GPHN: variants seen among roughly 807,000 people sequenced by gnomAD.
The protein encoded by GPHN is gephyrin.
GPHN carries 17 observed loss-of-function variants against 95.5 expected under a neutral mutation model. The ratio of observed to expected loss-of-function variants is 0.18; its 90% CI spans 0.12 to 0.27. The LOEUF (loss-of-function observed/expected upper bound fraction) is 0.27, where lower values mean the gene tolerates loss of function less well. Among genes scored for constraint, GPHN ranks in the 10% least tolerant of loss-of-function variants. GPHN has a pLI of 1.00. For synonymous variants in GPHN, 320 were observed against 322.5 expected (o/e 0.99, Z 0.08); for missense variants, 660 against 978.1 (o/e 0.67, Z 4.34).
At chr14:66,550,385 T>C (rs1277356631) in intron 1 of GPHN, among the ~76,000 whole-genome samples, 3 of 152,204 alleles carry the variant, frequency 2.0e-5, no homozygotes, top group African/African-American at 7.2e-5. Flanking sequence ...TGTGACTGAA[T>C]TGCTGCAGTC....
chr14:67,468,260 C>T, the GPHN span, among the ~76,000 whole-genome samples: 2 of 152,202 alleles, frequency 1.3e-5, no homozygotes, highest in Non-Finnish European at 2.9e-5. Context: ...AGGCTTGAGC[C>T]ACCGCACCTG....
chr14:66,705,645 A>G (rs995485410), intron 2 of GPHN, among the ~76,000 whole-genome samples: 3 of 152,320 alleles, frequency 2.0e-5, no homozygotes, highest in African/African-American at 7.2e-5. Context: ...TAAATAAACT[A>G]TGTATTGATG....
the GPHN span, among the ~76,000 whole-genome samples, chr14:67,598,482 T>C: frequency 5.1e-4 from 77 of 152,000 alleles, no homozygotes; most frequent in Non-Finnish European, 1.0e-3. Flanking sequence ...GATAAGTCAT[T>C]GCTCTTTGTG....
intron 5 of GPHN, among the ~76,000 whole-genome samples, chr14:66,898,750 TTG>T (rs1390321443): frequency 1.3e-5 from 2 of 151,942 alleles, no homozygotes; most frequent in Non-Finnish European, 2.9e-5. Context: ...TAGAATAAGT[TTG>T]TCTATATCTA....
intron 4 of GPHN, chr14:66,842,782 T>C: frequency 8.8e-7 from 1 of 1,138,130 alleles, no homozygotes; most frequent in Non-Finnish European, 1.3e-6. Flanking sequence ...TTTGGTTTCT[T>C]TTATCATCAT....
chr14:67,045,554 T>G (rs1171098122), intron 10 of GPHN, among the ~76,000 whole-genome samples: 2 of 151,962 alleles, frequency 1.3e-5, no homozygotes, highest in Non-Finnish European at 2.9e-5. Flanking sequence ...TGTGTCTCTC[T>G]CTGTCTCTCT....
intron 3 of GPHN, among the ~76,000 whole-genome samples, chr14:66,810,294 A>T (rs1378262770): frequency 6.6e-6 from 1 of 151,928 alleles, no homozygotes; most frequent in Non-Finnish European, 1.5e-5. Context: ...AATTACTTGA[A>T]AACCAGACCT....
the GPHN span, chr14:67,586,380 G>C: frequency 7.3e-7 from 1 of 1,376,802 alleles, no homozygotes; most frequent in Non-Finnish European, 9.6e-7. Flanking sequence ...CCAGCATCAT[G>C]CAGTCCTCAG....
At position 66,721,582 on chromosome 14, in the gene GPHN, A is replaced by G. The variant is rs115949835; in HGVS notation, c.143+40397A>G. On this transcript the variant is annotated intron_variant, in intron 2 of 22. Coordinates refer to ENST00000478722, the MANE Select transcript of GPHN (RefSeq NM_020806.5). The stretch of plus-strand genomic sequence containing the variant: ...ACATCTCTCTTTTACAAGGCAAGAG[A>G]CAAATCCTTTGATATTTTCCAGGAA... Among the ~76,000 whole-genome samples, 88 of 152,332 alleles carry G rather than the reference A, an allele frequency of 5.8e-4. 3 individuals are homozygous for G. Among genetic ancestry groups the G allele is most frequent in the African/African-American group, 2.1e-3 (86 of 41,584 alleles).
the GPHN span, chr14:67,651,813 G>T: frequency 3.9e-6 from 1 of 253,932 alleles, no homozygotes; most frequent in Non-Finnish European, 7.7e-6. Context: ...TCCAGCTCAG[G>T]ATGGGTCCTG....
At position 66,606,545 on chromosome 14, in the gene GPHN, A is replaced by G. The variant is rs188914519; in HGVS notation, c.65-74562A>G. 9.8e-5 allele frequency among the ~76,000 whole-genome samples: 15 copies of G among 152,320 alleles called. No individual in the cohort carries two copies. In the East Asian group the frequency reaches 2.7e-3, roughly 27 times the overall value. ...TGGTAGTTTGATAGAAATAGCATTGAATTTATAAATTGCTTTGACCAGTAT... is the reference window on the plus strand; with the variant it reads ...TGGTAGTTTGATAGAAATAGCATTGGATTTATAAATTGCTTTGACCAGTAT... On this transcript the variant is annotated intron_variant, in intron 1 of 22. Transcript: ENST00000478722.
At chr14:67,343,242 T>C in the GPHN span, 324 of 639,948 alleles carry the variant, frequency 5.1e-4, 1 homozygote, top group African/African-American at 5.3e-3. Context: ...ACTTCTCTCT[T>C]TGCACTGTGG....
intron 21 of GPHN, among the ~76,000 whole-genome samples, chr14:67,170,296 A>T (rs893837386): frequency 4.6e-5 from 7 of 152,166 alleles, no homozygotes; most frequent in Admixed American, 6.5e-5. Context: ...ATCAAATTTG[A>T]AATTAAGTGG....
At chr14:66,830,602 G>C (rs560301890) in intron 4 of GPHN, among the ~76,000 whole-genome samples, 1 of 152,106 alleles carries the variant, frequency 6.6e-6, no homozygotes, top group Non-Finnish European at 1.5e-5. Context: ...TTTGACATAA[G>C]GAATATTTAT....
intron 1 of GPHN, among the ~76,000 whole-genome samples, chr14:66,554,828 G>A (rs748731645): frequency 1.2e-4 from 19 of 152,166 alleles, no homozygotes; most frequent in Non-Finnish European, 2.6e-4. Flanking sequence ...TTTCATACAT[G>A]CTGGGTTGAA....
the GPHN span, among the ~76,000 whole-genome samples, chr14:67,284,036 T>C: frequency 6.6e-6 from 1 of 152,124 alleles, no homozygotes; most frequent in African/African-American, 2.4e-5. Context: ...TGTTACTCAA[T>C]TTTTCTGAGC....
At chr14:67,272,738 A>G in the GPHN span, among the ~76,000 whole-genome samples, 74 of 152,316 alleles carry the variant, frequency 4.9e-4, no homozygotes, top group African/African-American at 1.4e-3. Flanking sequence ...GGCTCACTAC[A>G]ACCTCTGCCT....
the GPHN span, among the ~76,000 whole-genome samples, chr14:67,439,935 C>T: frequency 0.014 from 2,182 of 152,170 alleles, 59 homozygotes; most frequent in African/African-American, 0.05. Flanking sequence ...ACTTCCTAGG[C>T]TCAACCTATC....
intron 1 of GPHN, among the ~76,000 whole-genome samples, chr14:66,554,394 A>C (rs1566594396): frequency 6.6e-6 from 1 of 152,200 alleles, no homozygotes; most frequent in Non-Finnish European, 1.5e-5. Flanking sequence ...GAGACTCGGT[A>C]ATTTATAAAG....
Sources: gnomAD v4.1 joint callset for allele counts (sites outside exome capture counted in the v4.1 genomes callset) on GRCh38, gnomAD v4.1.1 for gene constraint, MANE v1.5 for transcripts, NCBI Gene and HGNC (gene_info 2026-07-23, HGNC 2026-07-21) for gene names.